ASAP2: variants seen among roughly 807,000 people sequenced by gnomAD.
ASAP2 encodes ArfGAP with SH3 domain, ankyrin repeat and PH domain 2.
In ASAP2, 45 loss-of-function variants were observed where a neutral mutation model predicts 131.4. That is an observed-to-expected ratio of 0.34 (90% CI 0.27 to 0.44). The LOEUF is 0.44. ASAP2 is among the 20% of genes least tolerant of loss of function. The pLI, the probability that ASAP2 is intolerant of heterozygous loss-of-function variation, is 1.00. For synonymous variants in ASAP2, 510 were observed against 503.0 expected (o/e 1.01, Z -0.19); for missense variants, 1,011 against 1,297.0 (o/e 0.78, Z 3.39).
At position 9,388,306 on chromosome 2, in the gene ASAP2, C is replaced by T. The variant is rs372277363; in HGVS notation, c.2143C>T (p.Arg715Trp). 17 of 1,613,908 alleles carry T rather than the reference C, an allele frequency of 1.1e-5. No homozygotes were observed. Among genetic ancestry groups the T allele is most frequent in the African/African-American group, 9.3e-5 (7 of 74,930 alleles). Residue 715 changes from arginine (R) to tryptophan (W), a missense_variant, in exon 22 of 28, where the codon CGG becomes TGG. Physicochemically the swap from Arg to Trp is moderately radical, Grantham distance 101 (BLOSUM62 -3). Coordinates refer to ENST00000281419, the MANE Select transcript of ASAP2 (RefSeq NM_003887.3). ...TGTTCTCCTGCAGCCCAGTCCCAAC[C>T]GGCGGGAAGACCGGCCCATCAGCTT... The part of the protein sequence containing the change: ...MDEKLQPSPN[R>W]REDRPISFYQ...
intron 1 of ASAP2, among the ~76,000 whole-genome samples, chr2:9,250,494 A>G (rs1439645754): frequency 1.3e-5 from 2 of 152,196 alleles, no homozygotes; most frequent in Non-Finnish European, 2.9e-5. Context: ...ATCTTTAATC[A>G]CTTAAGCCTT....
In ASAP2 at chr2:9,220,104, A is replaced by G. The variant is rs144543558; in HGVS notation, c.126+12874A>G. On this transcript the variant is annotated intron_variant, in intron 1 of 27. Transcript: ENST00000281419. ...TATGATACATTTTGTTTATTCATTC[A>G]TCAGTTGATGGACATTTGGGTTGCC... Among the ~76,000 whole-genome samples, 4 of 152,318 alleles carry G rather than the reference A, an allele frequency of 2.6e-5. No individual in the cohort carries two copies. The East Asian group carries it at 5.8e-4, about 22-fold the overall frequency.
chr2:9,336,799 A>AGG (rs58172848), intron 9 of ASAP2, among the ~76,000 whole-genome samples: 235 of 152,390 alleles, frequency 1.5e-3, no homozygotes, highest in African/African-American at 5.4e-3. Flanking sequence ...AGGTAGTGCG[A>AGG]GGGCAGGAGC....
rs11904728 is a variant in ASAP2 at position 9,384,810 on chromosome 2, G to T, written c.2017-435G>T. On this transcript the variant is annotated intron_variant, in intron 20 of 27. Coordinates refer to ENST00000281419, the MANE Select transcript of ASAP2 (RefSeq NM_003887.3). ...CTTTGATTTTTATGGAAGCTTCTTGGTGTCAGCATCTCTTCCCCCAGGGTA... is the reference window on the plus strand; with the variant it reads ...CTTTGATTTTTATGGAAGCTTCTTGTTGTCAGCATCTCTTCCCCCAGGGTA... 2.0e-5 allele frequency among the ~76,000 whole-genome samples: 3 copies of T among 152,234 alleles called. No homozygotes were observed. In the East Asian group the frequency reaches 5.8e-4, roughly 29 times the overall value.
At chr2:9,355,451 C>T (rs1174666020) in intron 12 of ASAP2, among the ~76,000 whole-genome samples, 1 of 152,228 alleles carries the variant, frequency 6.6e-6, no homozygotes, top group Non-Finnish European at 1.5e-5. Context: ...ACATCCCACA[C>T]AGCCGCCTCC....
intron 1 of ASAP2, among the ~76,000 whole-genome samples, chr2:9,275,640 G>A (rs1421682196): frequency 6.6e-6 from 1 of 152,098 alleles, no homozygotes; most frequent in Non-Finnish European, 1.5e-5. Flanking sequence ...CCTCCCTGTG[G>A]CCTGAGTAAC....
At position 9,296,979 on chromosome 2, in the gene ASAP2, T is replaced by A. The variant is rs115648823; in HGVS notation, c.200-321T>A. Among the ~76,000 whole-genome samples, 163 of 152,290 alleles carry A rather than the reference T, an allele frequency of 1.1e-3. 2 individuals carry two copies. Among genetic ancestry groups the A allele is most frequent in the African/African-American group, 3.9e-3 (162 of 41,558 alleles). ...GGAGGGGGCTGAGTCTGGTGAGTTG[T>A]GCCATCATTTGGTGAAGGAAGAGTC... is the stretch of plus-strand genomic sequence containing the variant. On this transcript the variant is annotated intron_variant, in intron 2 of 27. Coordinates refer to ENST00000281419, the MANE Select transcript of ASAP2 (RefSeq NM_003887.3).
intron 15 of ASAP2, among the ~76,000 whole-genome samples, chr2:9,360,108 G>A (rs992149385): frequency 6.6e-6 from 1 of 152,210 alleles, no homozygotes; most frequent in Non-Finnish European, 1.5e-5. Flanking sequence ...TTTCAAAGAA[G>A]CACAAAGTAC....
intron 1 of ASAP2, among the ~76,000 whole-genome samples, chr2:9,212,493 T>C (rs143647167): frequency 6.6e-6 from 1 of 152,250 alleles, no homozygotes; most frequent in East Asian, 1.9e-4. Context: ...TAGGTAAATA[T>C]TGATCTACTC....
intron 22 of ASAP2, among the ~76,000 whole-genome samples, chr2:9,390,217 G>A (rs1167819666): frequency 6.6e-6 from 1 of 152,120 alleles, no homozygotes; most frequent in Non-Finnish European, 1.5e-5. Context: ...CATTCTCTGT[G>A]TAGCCCACAT....
intron 3 of ASAP2, among the ~76,000 whole-genome samples, chr2:9,305,461 A>G (rs1263394090): frequency 2.4e-4 from 24 of 100,612 alleles, no homozygotes; most frequent in South Asian, 3.1e-4. Flanking sequence ...ATTGGTGTAG[A>G]GGCTGTAGTA....
intron 2 of ASAP2, among the ~76,000 whole-genome samples, chr2:9,282,963 C>A (rs1667228402): frequency 6.6e-6 from 1 of 152,268 alleles, no homozygotes; most frequent in South Asian, 2.1e-4. Context: ...CGGACTCCCC[C>A]ATCCCAGTCA....
At chr2:9,331,537 G>C (rs1006885168) in intron 7 of ASAP2, among the ~76,000 whole-genome samples, 1 of 152,168 alleles carries the variant, frequency 6.6e-6, no homozygotes, top group African/African-American at 2.4e-5. Context: ...GGAGGCCAAG[G>C]GGGGCGGATC....
At position 9,401,507 on chromosome 2, in the gene ASAP2, T is replaced by C. The variant is rs951568880; in HGVS notation, c.2946+111T>C. 3.6e-5 allele frequency: 51 copies of C among 1,397,388 alleles called. No individual in the cohort carries two copies. The Admixed American group carries it at 1.2e-3, about 33-fold the overall frequency. 86.6% of individuals were successfully genotyped at this position (1,397,388 alleles called of 1,614,324 possible). ...GTTTTCTCAGCCTGAGCAGTCCAGA[T>C]GTAGTTCCTGGTGCCTCCGCCCCTT... On this transcript the variant is annotated intron_variant, in intron 27 of 27. Transcript: ENST00000281419.
chr2:9,226,178 C>G (rs970457499), intron 1 of ASAP2, among the ~76,000 whole-genome samples: 1 of 152,222 alleles, frequency 6.6e-6, no homozygotes, highest in Non-Finnish European at 1.5e-5. Context: ...GACGATAATG[C>G]TGTACACCAG....
intron 2 of ASAP2, among the ~76,000 whole-genome samples, chr2:9,289,678 A>T (rs1415003717): frequency 6.6e-6 from 1 of 152,080 alleles, no homozygotes; most frequent in Non-Finnish European, 1.5e-5. Context: ...CAGACTTTGA[A>T]CTCATTTGAA....
At chr2:9,387,179 A>G (rs1484443552) in intron 21 of ASAP2, among the ~76,000 whole-genome samples, 1 of 141,548 alleles carries the variant, frequency 7.1e-6, no homozygotes, top group Non-Finnish European at 1.5e-5. Flanking sequence ...GCGCCACTGC[A>G]TTCCAGCCTG....
rs958458542 is a variant in ASAP2 at position 9,268,618 on chromosome 2, T to C, written c.127-10699T>C. Among the ~76,000 whole-genome samples the C allele has an allele frequency of 3.3e-5, 5 of 152,260 alleles. No homozygotes were observed. Among genetic ancestry groups the C allele is most frequent in the African/African-American group, 1.2e-4 (5 of 41,466 alleles). On this transcript the variant is annotated intron_variant, in intron 1 of 27. Coordinates refer to ENST00000281419, the MANE Select transcript of ASAP2 (RefSeq NM_003887.3). This position sits in a 1 kb window ranked among gnomAD's most constrained non-coding sequence, Gnocchi z 4.1. Reference sequence around the variant, plus strand: ...CTCTGTTACTTTCTGAAGAGTCGAATGCGTGGTGAGACAAAGCTGCCATCT... The same window carrying C: ...CTCTGTTACTTTCTGAAGAGTCGAACGCGTGGTGAGACAAAGCTGCCATCT...
intron 1 of ASAP2, among the ~76,000 whole-genome samples, chr2:9,264,862 G>A (rs1385773034): frequency 6.6e-6 from 1 of 152,186 alleles, no homozygotes; most frequent in Non-Finnish European, 1.5e-5. Flanking sequence ...ATTTTGGCCA[G>A]ACACAATGCC....
Sources: gnomAD v4.1 joint callset for allele counts (sites outside exome capture counted in the v4.1 genomes callset) on GRCh38, gnomAD v4.1.1 for gene constraint, Gnocchi (gnomAD v3.1) non-coding constraint, MANE v1.5 for transcripts, NCBI Gene and HGNC (gene_info 2026-07-23, HGNC 2026-07-21) for gene names.